Variants in DLC1 observed in about 807,000 individuals in gnomAD.
DLC1 encodes the protein DLC1 Rho GTPase activating protein, also known as rho GTPase-activating protein 7.
Under a neutral mutation model 140.3 loss-of-function variants are expected in DLC1, and 54 were observed. The ratio of observed to expected loss-of-function variants is 0.38; its 90% CI spans 0.31 to 0.48. DLC1 has a LOEUF of 0.48. Among genes scored for constraint, DLC1 ranks in the 20% least tolerant of loss-of-function variants. The probability of loss-of-function intolerance (pLI) is 0.96; values close to 1 mark genes in which losing one functional copy is unlikely to be tolerated. For missense variants in DLC1, 2,536 were observed against 1,907.0 expected, an observed-to-expected ratio of 1.33 and a Z score of -6.14; for synonymous variants, 986 against 728.1, an observed-to-expected ratio of 1.35 and a Z score of -5.70.
rs143944715 is a variant in DLC1, at chr8:13,416,710, A to G, written c.1024-15091T>C. On this transcript the variant is annotated intron_variant, in intron 2 of 17. Transcript: ENST00000276297. ...GGTTTTGTCATCTTATACTTTGTAT[A>G]TTCTAGTATAGTGAATACCTGATTA... 9.8e-3 allele frequency among the ~76,000 whole-genome samples: 1,496 copies of G among 152,314 alleles called. 12 individuals are homozygous for G. The highest frequency in any genetic ancestry group is 0.061 in the Middle Eastern group (18 of 294).
At chr8:13,359,244 C>G (rs1483679658) in intron 4 of DLC1, among the ~76,000 whole-genome samples, 1 of 152,042 alleles carries the variant, frequency 6.6e-6, no homozygotes, top group African/African-American at 2.4e-5. Context: ...ATCCTACAAA[C>G]TTTTTTTTCT....
chr8:13,138,861 A>G (rs1468093490), intron 5 of DLC1, among the ~76,000 whole-genome samples: 1 of 152,188 alleles, frequency 6.6e-6, no homozygotes, highest in African/African-American at 2.4e-5. Flanking sequence ...AGGCAGCAAA[A>G]TTAATTCACC....
intron 2 of DLC1, among the ~76,000 whole-genome samples, chr8:13,434,376 C>G (rs536478013): frequency 6.6e-6 from 1 of 152,208 alleles, no homozygotes; most frequent in South Asian, 2.1e-4. Flanking sequence ...TGAAGAAAAC[C>G]AGTAATTTGA....
intron 4 of DLC1, among the ~76,000 whole-genome samples, chr8:13,327,224 T>C (rs940099357): frequency 8.8e-5 from 13 of 147,824 alleles, no homozygotes; most frequent in Admixed American, 8.3e-4. Context: ...CCGCCCGCCT[T>C]GGCCTCCCAA....
intron 1 of DLC1, chr8:13,558,786 C>G (rs1563440010): frequency 6.6e-6 from 1 of 152,138 alleles, no homozygotes; most frequent in Admixed American, 6.5e-5. Context: ...AATTAAGTTT[C>G]TTCTCAATCT....
chr8:13,162,763 G>A (rs979856412), intron 5 of DLC1, among the ~76,000 whole-genome samples: 1 of 152,132 alleles, frequency 6.6e-6, no homozygotes, highest in African/African-American at 2.4e-5. Flanking sequence ...AGCACAGTGA[G>A]ACCCCGTCTT....
At chr8:13,214,996 C>T (rs1487450242) in intron 5 of DLC1, among the ~76,000 whole-genome samples, 1 of 152,134 alleles carries the variant, frequency 6.6e-6, no homozygotes, top group African/African-American at 2.4e-5. Flanking sequence ...CAATATGTGC[C>T]TCTTATTAAT....
chr8:13,157,029 G>T (rs1269786266), intron 5 of DLC1, among the ~76,000 whole-genome samples: 1 of 152,136 alleles, frequency 6.6e-6, no homozygotes, highest in Non-Finnish European at 1.5e-5. Context: ...TGCTGATGGT[G>T]TTCACGCAGA....
chr8:13,342,937 C>T (rs1259221526), intron 4 of DLC1, among the ~76,000 whole-genome samples: 2 of 151,972 alleles, frequency 1.3e-5, no homozygotes, highest in African/African-American at 4.8e-5. Context: ...GACGAATTAG[C>T]TGCAGTTGTT....
rs531700271 is a variant in DLC1 at position 13,112,023 on chromosome 8, C to A, written c.1421-1200G>T. ...AAATTTTACTGGGCATGGTGGCATG[C>A]GGGCTGTGGTCTCAGCTACATGGGA... On this transcript the variant is annotated intron_variant, in intron 6 of 17. Transcript: ENST00000276297. Among the ~76,000 whole-genome samples the A allele has an allele frequency of 3.3e-5, 5 of 152,130 alleles. No individual in the cohort carries two copies. The South Asian group carries it at 1.0e-3, about 32-fold the overall frequency.
chr8:13,293,992 G>A (rs1408500244), intron 5 of DLC1, among the ~76,000 whole-genome samples: 1 of 152,122 alleles, frequency 6.6e-6, no homozygotes, highest in African/African-American at 2.4e-5. Context: ...CGAACACTCA[G>A]GATATACCTA....
At chr8:13,598,912 C>G (rs1034368028) in intron 1 of DLC1, among the ~76,000 whole-genome samples, 2 of 150,896 alleles carry the variant, frequency 1.3e-5, no homozygotes, top group African/African-American at 4.9e-5. Flanking sequence ...TTTCATTATT[C>G]TAAATAAAAA....
At chr8:13,441,949 A>G (rs1585114142) in intron 2 of DLC1, among the ~76,000 whole-genome samples, 1 of 152,236 alleles carries the variant, frequency 6.6e-6, no homozygotes, top group Non-Finnish European at 1.5e-5. Context: ...ATTTGACTTC[A>G]AACTATACTA....
At chr8:13,596,193 C>G (rs193146621) in intron 1 of DLC1, among the ~76,000 whole-genome samples, 2 of 152,056 alleles carry the variant, frequency 1.3e-5, no homozygotes, top group Non-Finnish European at 2.9e-5. Context: ...GGGTGCCTGT[C>G]TTAGCACCAA....
At position 13,498,890 on chromosome 8, in the gene DLC1, T is replaced by C. The variant is rs1490734622; in HGVS notation, c.1023+159A>G. 5 of 719,152 alleles carry C rather than the reference T, an allele frequency of 7.0e-6. No homozygotes were observed. In the African/African-American group the frequency reaches 8.9e-5, roughly 13 times the overall value. The allele number at this position is 719,152 out of a possible 1,614,324, so 44.5% of individuals were successfully genotyped here. A position where few individuals can be genotyped will look rare whatever the true frequency, so the allele number is the denominator to read the frequency against. On this transcript the variant is annotated intron_variant, in intron 2 of 17. Transcript: ENST00000276297. Reference sequence around the variant, plus strand: ...ATTATTCTTTAATTTTTACATATTTTGATGGTTTGACCAAGTGGGTAGTCG... The same window carrying C: ...ATTATTCTTTAATTTTTACATATTTCGATGGTTTGACCAAGTGGGTAGTCG...
intron 2 of DLC1, among the ~76,000 whole-genome samples, chr8:13,403,900 A>G (rs1461566762): frequency 6.9e-6 from 1 of 144,870 alleles, no homozygotes; most frequent in African/African-American, 2.6e-5. Context: ...CTCAGGAGAT[A>G]CTCTCGTCTC....
intron 1 of DLC1, among the ~76,000 whole-genome samples, chr8:13,566,132 C>G (rs1312816048): frequency 6.6e-6 from 1 of 152,026 alleles, no homozygotes; most frequent in Non-Finnish European, 1.5e-5. Flanking sequence ...TAATCAGATA[C>G]TCATACAATC....
At chr8:13,564,715 G>A (rs1341428532) in intron 1 of DLC1, among the ~76,000 whole-genome samples, 1 of 152,158 alleles carries the variant, frequency 6.6e-6, no homozygotes, top group Non-Finnish European at 1.5e-5. Flanking sequence ...CTCTTTCTGG[G>A]GTTGGCCTTA....
intron 4 of DLC1, among the ~76,000 whole-genome samples, chr8:13,351,904 A>G (rs1834685736): frequency 6.6e-6 from 1 of 152,200 alleles, no homozygotes; most frequent in South Asian, 2.1e-4. Flanking sequence ...CATATCCATT[A>G]ATGCAGTAAC....
Sources: gnomAD v4.1 joint callset for allele counts (sites outside exome capture counted in the v4.1 genomes callset) on GRCh38, gnomAD v4.1.1 for gene constraint, MANE v1.5 for transcripts, NCBI Gene and HGNC (gene_info 2026-07-23, HGNC 2026-07-21) for gene names.